Variants in RNF125 observed in about 807,000 individuals in gnomAD.
RNF125 encodes the protein ring finger protein 125.
In RNF125, 21 loss-of-function variants were observed where a neutral mutation model predicts 26.0. That is an observed-to-expected ratio of 0.81 (90% CI 0.57 to 1.16). The LOEUF is 1.16. Among genes scored for constraint, RNF125 ranks in the 50% most tolerant of loss-of-function variants. The probability of loss-of-function intolerance (pLI) is 0.00; values close to 1 mark genes in which losing one functional copy is unlikely to be tolerated. For missense variants in RNF125, 270 were observed against 299.4 expected (o/e 0.90, Z 0.72); for synonymous variants, 95 against 109.2 (o/e 0.87, Z 0.81).
the RNF125 span, among the ~76,000 whole-genome samples, chr18:32,089,313 T>C: frequency 3.9e-5 from 6 of 152,178 alleles, no homozygotes; most frequent in Non-Finnish European, 5.9e-5. Context: ...GATTCCCCTA[T>C]AGTGCCTTGA....
At chr18:32,031,498 A>G (rs1238719461) in intron 1 of RNF125, 1 of 150,400 alleles carries the variant, frequency 6.6e-6, no homozygotes, top group Non-Finnish European at 1.5e-5. Context: ...AAAAAAAAAA[A>G]AAAAAAAAAA....
At chr18:32,087,877 C>T in the RNF125 span, among the ~76,000 whole-genome samples, 1 of 152,168 alleles carries the variant, frequency 6.6e-6, no homozygotes, top group African/African-American at 2.4e-5. Context: ...ATTATGTATA[C>T]CCTTTCCTTA....
chr18:32,046,865 A>G (rs1233604989), intron 4 of RNF125, among the ~76,000 whole-genome samples: 2 of 151,922 alleles, frequency 1.3e-5, no homozygotes, highest in African/African-American at 2.4e-5. Context: ...GGCAGAGTGG[A>G]TACATCATTG....
chr18:32,032,892 C>T (rs1387853214), intron 1 of RNF125, among the ~76,000 whole-genome samples: 5 of 152,070 alleles, frequency 3.3e-5, no homozygotes, highest in African/African-American at 4.8e-5. Context: ...CGAAAAAACC[C>T]AATGGAGTAT....
chr18:32,030,669 C>G (rs1036191279), intron 1 of RNF125, among the ~76,000 whole-genome samples: 30 of 152,116 alleles, frequency 2.0e-4, no homozygotes, highest in African/African-American at 7.0e-4. Flanking sequence ...CTAGTTCACG[C>G]CATGATGGGA....
the RNF125 span, among the ~76,000 whole-genome samples, chr18:32,080,726 A>G: frequency 6.6e-6 from 1 of 152,154 alleles, no homozygotes; most frequent in East Asian, 1.9e-4. Flanking sequence ...CGTCTCTACT[A>G]AAAATACAAA....
intron 2 of RNF125, among the ~76,000 whole-genome samples, chr18:32,038,043 ATTT>A (rs35226765): frequency 4.6e-4 from 48 of 103,378 alleles, no homozygotes; most frequent in Middle Eastern, 5.8e-3. Flanking sequence ...GGTCCGTGCC[ATTT>A]TTTTTTTTTT....
chr18:32,075,909 C>T, downstream of RNF125: 1 of 1,450,928 alleles, frequency 6.9e-7, no homozygotes, highest in Non-Finnish European at 9.5e-7. Flanking sequence ...TAGGATTTTC[C>T]CTCCTGTGTG....
chr18:32,031,709 G>A (rs1220643818), intron 1 of RNF125, among the ~76,000 whole-genome samples: 1 of 151,914 alleles, frequency 6.6e-6, no homozygotes, highest in Admixed American at 6.6e-5. Context: ...AGACATCCAA[G>A]GTCAGATTGT....
At chr18:32,030,750 G>T (rs1323808246) in intron 1 of RNF125, among the ~76,000 whole-genome samples, 1 of 152,244 alleles carries the variant, frequency 6.6e-6, no homozygotes, top group Admixed American at 6.5e-5. Context: ...CACAGTTCTG[G>T]AGGCTAGGAA....
the RNF125 span, among the ~76,000 whole-genome samples, chr18:32,086,178 A>G: frequency 5.7e-3 from 866 of 151,236 alleles, 4 homozygotes; most frequent in Non-Finnish European, 9.1e-3. Context: ...TCCACGTAGC[A>G]CATATAGACA....
chr18:32,058,837 G>C (rs554085423), intron 4 of RNF125, among the ~76,000 whole-genome samples: 77 of 152,180 alleles, frequency 5.1e-4, no homozygotes, highest in African/African-American at 1.8e-3. Flanking sequence ...AGTTCAATTG[G>C]TTTAATTTTT....
intron 4 of RNF125, among the ~76,000 whole-genome samples, chr18:32,050,497 T>A (rs1450420271): frequency 5.9e-5 from 9 of 152,086 alleles, no homozygotes; most frequent in African/African-American, 2.2e-4. Context: ...CTTTAATTAT[T>A]ATTTTTTTAT....
At chr18:32,031,825 G>A (rs1023580152) in intron 1 of RNF125, among the ~76,000 whole-genome samples, 1 of 152,122 alleles carries the variant, frequency 6.6e-6, no homozygotes, top group Non-Finnish European at 1.5e-5. Context: ...TGGGGTAGCT[G>A]TGGTAGTGGA....
At position 32,021,695 on chromosome 18, in the gene RNF125, A is replaced by G. The variant is rs572428446; in HGVS notation, c.164+2668A>G. On this transcript the variant is annotated intron_variant, in intron 1 of 5. Transcript: ENST00000217740. Reference sequence around the variant, plus strand: ...TTTGGAACAGACCGCTTTGCTATTCAATGATCTGACTGGAGATTGTTTTCT... The same window carrying G: ...TTTGGAACAGACCGCTTTGCTATTCGATGATCTGACTGGAGATTGTTTTCT... Among the ~76,000 whole-genome samples the G allele has an allele frequency of 3.3e-5, 5 of 152,290 alleles. No individual in the cohort carries two copies. In the South Asian group the frequency reaches 8.3e-4, roughly 25 times the overall value.
chr18:32,022,886 A>G (rs2038998274), intron 1 of RNF125, among the ~76,000 whole-genome samples: 1 of 152,226 alleles, frequency 6.6e-6, no homozygotes, highest in South Asian at 2.1e-4. Flanking sequence ...GAATATATCA[A>G]AGAAGTACAT....
chr18:32,077,118 A>C (rs1168657350), downstream of RNF125, among the ~76,000 whole-genome samples: 1 of 152,138 alleles, frequency 6.6e-6, no homozygotes, highest in Non-Finnish European at 1.5e-5. Context: ...TACTTAGTAA[A>C]TATTTCAGCT....
Position 32,064,396 on chromosome 18 carries a change from C to CTTTTTTT in RNF125, c.505-1489_505-1483dup, listed in dbSNP as rs775086863. ...AATCTGGTGAAATCTTTTTCTTTTT[C>CTTTTTTT]TTTTTTTTTTTTTTTTTTTTTTTGA... On this transcript the variant is annotated intron_variant, in intron 4 of 5. Coordinates refer to ENST00000217740, the MANE Select transcript of RNF125 (RefSeq NM_017831.4). Among the ~76,000 whole-genome samples, 142 of 86,838 alleles carry CTTTTTTT rather than the reference C, an allele frequency of 1.6e-3. 2 individuals carry two copies. The highest frequency in any genetic ancestry group is 2.8e-3 in the South Asian group (6 of 2,108). The allele number at this position is 86,838 out of a possible 152,430, so 57.0% of individuals were successfully genotyped here.
the RNF125 span, among the ~76,000 whole-genome samples, chr18:32,079,432 A>T: frequency 6.6e-6 from 1 of 152,230 alleles, no homozygotes; most frequent in East Asian, 1.9e-4. Context: ...CATTGACTGG[A>T]TGAATGAATG....
Sources: gnomAD v4.1 joint callset for allele counts (sites outside exome capture counted in the v4.1 genomes callset) on GRCh38, gnomAD v4.1.1 for gene constraint, MANE v1.5 for transcripts, NCBI Gene and HGNC (gene_info 2026-07-23, HGNC 2026-07-21) for gene names.